Variants in LRP5 observed in about 807,000 individuals in gnomAD.
LRP5 encodes LDL receptor related protein 5.
In LRP5, 62 loss-of-function variants were observed where a neutral mutation model predicts 154.1. That is an observed-to-expected ratio of 0.40 (90% CI 0.33 to 0.50). LRP5 has a LOEUF of 0.50. Among genes scored for constraint, LRP5 ranks in the 20% least tolerant of loss-of-function variants. The pLI, the probability that LRP5 is intolerant of heterozygous loss-of-function variation, is 0.55. For missense variants in LRP5, 1,915 were observed against 2,336.7 expected (o/e 0.82, Z 3.72); for synonymous variants, 966 against 1,011.5 (o/e 0.96, Z 0.85).
intron 1 of LRP5, among the ~76,000 whole-genome samples, chr11:68,332,869 G>C (rs2098603679): frequency 6.6e-6 from 1 of 152,164 alleles, no homozygotes; most frequent in Non-Finnish European, 1.5e-5. Flanking sequence ...GGGGAGTAGA[G>C]CTATTCCTGG....
intron 14 of LRP5, among the ~76,000 whole-genome samples, chr11:68,424,067 C>A (rs1307334491): frequency 1.3e-5 from 2 of 152,204 alleles, no homozygotes; most frequent in African/African-American, 4.8e-5. Context: ...TCCTGGGCTT[C>A]TTCCTCCCAG....
chr11:68,308,050 C>G (rs527329981), upstream of LRP5, among the ~76,000 whole-genome samples: 2 of 152,356 alleles, frequency 1.3e-5, no homozygotes, highest in East Asian at 3.9e-4. Flanking sequence ...GCACTGTAGG[C>G]CGATGGCGGC....
At chr11:68,359,273 T>C (rs749562182) in intron 3 of LRP5, among the ~76,000 whole-genome samples, 4 of 152,174 alleles carry the variant, frequency 2.6e-5, no homozygotes, top group Non-Finnish European at 5.9e-5. Flanking sequence ...TCCAAGCTCA[T>C]TCTCAGGGCA....
At chr11:68,399,575 C>T (rs1296896027) in intron 7 of LRP5, among the ~76,000 whole-genome samples, 1 of 152,180 alleles carries the variant, frequency 6.6e-6, no homozygotes, top group Non-Finnish European at 1.5e-5. Context: ...TCCTGGGTGT[C>T]CTAAATTTGG....
intron 5 of LRP5, among the ~76,000 whole-genome samples, chr11:68,385,305 C>T (rs1393991537): frequency 6.6e-6 from 1 of 152,072 alleles, no homozygotes. Flanking sequence ...GCTGCTCAGC[C>T]AGCAGCAGGC....
At chr11:68,446,595 C>T in intron 22 of LRP5, 62 bp downstream of exon 22, 2 of 1,395,782 alleles carry the variant, frequency 1.4e-6, no homozygotes, top group Non-Finnish European at 2.0e-6. Context: ...GGTGGAGGGG[C>T]CTAATCCCCA....
At chr11:68,332,751 G>T (rs1409157980) in intron 1 of LRP5, among the ~76,000 whole-genome samples, 1 of 152,204 alleles carries the variant, frequency 6.6e-6, no homozygotes, top group East Asian at 1.9e-4. Context: ...CTGTGGGGTA[G>T]ATGGGAGAGA....
At chr11:68,397,171 T>G (rs935637435) in intron 7 of LRP5, among the ~76,000 whole-genome samples, 3 of 151,994 alleles carry the variant, frequency 2.0e-5, no homozygotes, top group Non-Finnish European at 2.9e-5. Context: ...CGTTCTTGCC[T>G]CCCCGCCCAC....
At chr11:68,368,494 G>T (rs1353862355) in intron 5 of LRP5, among the ~76,000 whole-genome samples, 2 of 152,240 alleles carry the variant, frequency 1.3e-5, no homozygotes, top group Admixed American at 1.3e-4. Flanking sequence ...GTCATATGAG[G>T]TGAGCTCTGT....
intron 16 of LRP5, among the ~76,000 whole-genome samples, chr11:68,428,914 T>A (rs1394235440): frequency 9.6e-4 from 1 of 1,040 alleles, no homozygotes; most frequent in Non-Finnish European, 1.7e-3. Context: ...ACCCCATTTC[T>A]ACAAAAAGTG....
intron 5 of LRP5, among the ~76,000 whole-genome samples, chr11:68,371,582 T>C (rs1451026563): frequency 6.6e-6 from 1 of 152,274 alleles, no homozygotes; most frequent in African/African-American, 2.4e-5. Flanking sequence ...TCGGTTCCTC[T>C]GTGGCTTTCC....
chr11:68,439,243 G>A (rs1317137077), intron 20 of LRP5, among the ~76,000 whole-genome samples: 1 of 152,178 alleles, frequency 6.6e-6, no homozygotes, highest in Non-Finnish European at 1.5e-5. Context: ...GAGGTCTGCA[G>A]GTGCCCCCAC....
At chr11:68,426,500 C>T (rs1222174439) in intron 16 of LRP5, among the ~76,000 whole-genome samples, 2 of 150,074 alleles carry the variant, frequency 1.3e-5, no homozygotes, top group Non-Finnish European at 2.9e-5. Flanking sequence ...ACACAGTTCA[C>T]TGCAGCCTCG....
chr11:68,307,009 C>T, the LRP5 span, among the ~76,000 whole-genome samples: 10 of 152,110 alleles, frequency 6.6e-5, no homozygotes, highest in Non-Finnish European at 1.5e-4. Flanking sequence ...ATAGAGAAAC[C>T]CCATCTCTAC....
chr11:68,363,906 G>C lies in LRP5; in HGVS notation c.846G>C (p.Met282Ile). The stretch of plus-strand genomic sequence containing the variant: ...TCCTGAGTGCCCTCTACTCACCCAT[G>C]GACATCCAGGTGCTGAGCCAGGAGC... ...KEILSALYSP[M>I]DIQVLSQERQ... The change falls in exon 4 of 23, where the codon ATG (methionine) becomes ATC (isoleucine). Residue 282 changes from methionine to isoleucine, a missense_variant. By Grantham distance (10) the Met-to-Ile change is conservative. This residue lies in a region of LRP5 where 773 missense variants were observed against 1,100.9 expected (regional missense o/e 0.70). Transcript: ENST00000294304. 6.2e-7 allele frequency: 1 copy of C among 1,612,434 alleles called. No homozygotes were observed. Among genetic ancestry groups the C allele is most frequent in the East Asian group, 2.2e-5 (1 of 44,812 alleles).
intron 5 of LRP5, among the ~76,000 whole-genome samples, chr11:68,368,470 G>C (rs2153142069): frequency 6.6e-6 from 1 of 152,398 alleles, no homozygotes; most frequent in South Asian, 2.1e-4. Context: ...TTCACGGGCT[G>C]TGTGACCTGT....
chr11:68,370,732 C>T (rs1275873332), intron 5 of LRP5, among the ~76,000 whole-genome samples: 1 of 152,236 alleles, frequency 6.6e-6, no homozygotes, highest in African/African-American at 2.4e-5. Flanking sequence ...TGGAGCATGA[C>T]TGGCACGCAG....
intron 22 of LRP5, among the ~76,000 whole-genome samples, chr11:68,448,567 G>T (rs1179903276): frequency 1.3e-5 from 2 of 152,204 alleles, no homozygotes; most frequent in African/African-American, 4.8e-5. Flanking sequence ...CCTTGCCAGG[G>T]CCCAGGCTTG....
intron 17 of LRP5, among the ~76,000 whole-genome samples, chr11:68,433,083 T>C (rs900422185): frequency 2.0e-5 from 3 of 152,144 alleles, no homozygotes; most frequent in Non-Finnish European, 4.4e-5. Context: ...CGCACGCTGG[T>C]CACCACAGAG....
Sources: gnomAD v4.1 joint callset for allele counts (sites outside exome capture counted in the v4.1 genomes callset) on GRCh38, gnomAD v4.1.1 for gene constraint, gnomAD v4.1.1 regional missense constraint, MANE v1.5 for transcripts, NCBI Gene and HGNC (gene_info 2026-07-23, HGNC 2026-07-21) for gene names.